Variants in PCLO observed in about 807,000 individuals in gnomAD.
PCLO encodes piccolo presynaptic cytomatrix protein, also known as protein piccolo.
PCLO carries 82 observed loss-of-function variants against 427.5 expected under a neutral mutation model. The observed-to-expected ratio is 0.19, with a 90% CI of 0.16 to 0.23. PCLO has a LOEUF of 0.23. PCLO is among the 10% of genes least tolerant of loss of function. The pLI is 1.00. For synonymous variants in PCLO, 2,357 were observed against 2,155.4 expected, an observed-to-expected ratio of 1.09 and a Z score of -2.59; for missense variants, 6,239 against 6,115.9, an observed-to-expected ratio of 1.02 and a Z score of -0.67.
At chr7:83,161,559 T>C (rs776009100) in intron 1 of PCLO, among the ~76,000 whole-genome samples, 1 of 152,244 alleles carries the variant, frequency 6.6e-6, no homozygotes, top group Non-Finnish European at 1.5e-5. Context: ...TTAGCTCTTA[T>C]ACTTGCCTAT....
At chr7:83,130,616 T>C (rs1791547287) in intron 3 of PCLO, among the ~76,000 whole-genome samples, 1 of 152,202 alleles carries the variant, frequency 6.6e-6, no homozygotes, top group African/African-American at 2.4e-5. Context: ...ACTGAATATA[T>C]ATGCTTTTTA....
intron 10 of PCLO, among the ~76,000 whole-genome samples, chr7:82,877,461 A>C (rs2116031727): frequency 6.6e-6 from 1 of 152,236 alleles, no homozygotes; most frequent in African/African-American, 2.4e-5. Flanking sequence ...ATGGGTCTTA[A>C]TTTATATATC....
chr7:82,847,014 G>T, intron 11 of PCLO, 125 bp downstream of exon 11: 1 of 609,480 alleles, frequency 1.6e-6, no homozygotes, highest in South Asian at 2.1e-5. Context: ...TTTAGGCTTT[G>T]ATTCACTTTA....
At chr7:82,878,035 A>T (rs1206245353) in intron 10 of PCLO, among the ~76,000 whole-genome samples, 1 of 152,168 alleles carries the variant, frequency 6.6e-6, no homozygotes, top group Non-Finnish European at 1.5e-5. Flanking sequence ...TGGCATTCTG[A>T]AAGCAAATAA....
In PCLO at chr7:82,916,271, T is replaced by C; in HGVS notation, c.11715A>G (p.Gln3905=). Residue 3905 remains glutamine (Q), a synonymous_variant, in exon 7 of 25, where the codon CAA becomes CAG. Transcript: ENST00000333891. The stretch of plus-strand genomic sequence containing the variant: ...AAGTTTGTTGCTCAAAATGAGACTG[T>C]TGAGTGTATGAGGTGGGTGCTTGGG... ...LPTQAPTSYT[Q]QSHFEQQTLY... The C allele has an allele frequency of 6.2e-7, 1 of 1,613,606 alleles. No homozygotes were observed. Among genetic ancestry groups the C allele is most frequent in the Non-Finnish European group, 8.5e-7 (1 of 1,179,670 alleles).
intron 7 of PCLO, among the ~76,000 whole-genome samples, chr7:82,913,312 T>C (rs186882274): frequency 6.6e-6 from 1 of 152,002 alleles, no homozygotes; most frequent in African/African-American, 2.4e-5. Flanking sequence ...AAATCCAGAT[T>C]TGAATTCCTA....
At chr7:82,969,837 A>G (rs1562890959) in intron 3 of PCLO, among the ~76,000 whole-genome samples, 2 of 152,140 alleles carry the variant, frequency 1.3e-5, no homozygotes, top group African/African-American at 2.4e-5. Flanking sequence ...TGCAATGCAG[A>G]AGAGAGAGAT....
intron 6 of PCLO, among the ~76,000 whole-genome samples, chr7:82,942,587 GT>G (rs1248448444): frequency 1.3e-5 from 2 of 151,926 alleles, no homozygotes. Flanking sequence ...AAACTTTCTG[GT>G]TTTGACTCAT....
intron 9 of PCLO, among the ~76,000 whole-genome samples, chr7:82,890,722 T>C (rs1793742291): frequency 6.6e-6 from 1 of 151,980 alleles, no homozygotes; most frequent in African/African-American, 2.4e-5. Flanking sequence ...AGAACTATCC[T>C]TACCATGCTT....
intron 3 of PCLO, among the ~76,000 whole-genome samples, chr7:83,085,243 T>C (rs1790201734): frequency 6.6e-6 from 1 of 152,122 alleles, no homozygotes; most frequent in African/African-American, 2.4e-5. Flanking sequence ...AAGAAACATG[T>C]TGTGTAATTT....
chr7:83,153,925 C>T (rs997306032), intron 2 of PCLO, among the ~76,000 whole-genome samples: 1 of 152,016 alleles, frequency 6.6e-6, no homozygotes, highest in Non-Finnish European at 1.5e-5. Context: ...TGAATCTCTA[C>T]CTATTAAAAT....
Position 83,155,548 on chromosome 7 carries a change from G to A in PCLO, c.1093C>T (p.Pro365Ser). ...GCTGGAGGCTTAGCAGGACCAAGAG[G>A]CTGAGCTGGAGGCTTTGTTGTCCCT... ...PPGTTKPPAQ[P>S]LGPAKPPAQQ... Residue 365 changes from proline to serine, a missense_variant, in exon 2 of 25, where the codon CCT becomes TCT. Pro to Ser is a moderately conservative substitution (Grantham distance 74). This residue lies in a region of PCLO where 4,677 missense variants were observed against 4,468.4 expected (regional missense o/e 1.05). Coordinates refer to ENST00000333891, the MANE Select transcript of PCLO (RefSeq NM_033026.6). 6.2e-7 allele frequency: 1 copy of A among 1,613,000 alleles called. No homozygotes were observed. The highest frequency in any genetic ancestry group is 8.5e-7 in the Non-Finnish European group (1 of 1,179,412).
chr7:82,870,726 TCAAA>T (rs1333846443), intron 10 of PCLO, among the ~76,000 whole-genome samples: 3 of 151,900 alleles, frequency 2.0e-5, no homozygotes, highest in East Asian at 1.9e-4. Flanking sequence ...TATAAGGAAC[TCAAA>T]CAACTTAATA....
Position 82,855,062 on chromosome 7 carries a change from T to C in PCLO, c.13655-7815A>G, listed in dbSNP as rs551099166. ...AGAGTCAATGACTTCTTTACTCACATATCTAAAATAGATTTAGCTCCAATC... is the reference window on the plus strand; with the variant it reads ...AGAGTCAATGACTTCTTTACTCACACATCTAAAATAGATTTAGCTCCAATC... On this transcript the variant is annotated intron_variant, in intron 10 of 24. Coordinates refer to ENST00000333891, the MANE Select transcript of PCLO (RefSeq NM_033026.6). Among the ~76,000 whole-genome samples the C allele has an allele frequency of 2.4e-4, 37 of 152,232 alleles. 1 individual carries two copies. The highest frequency in any genetic ancestry group is 8.2e-4 in the African/African-American group (34 of 41,558).
chr7:82,879,724 C>G, intron 9 of PCLO: 1 of 458,872 alleles, frequency 2.2e-6, no homozygotes, highest in Non-Finnish European at 4.0e-6. Context: ...CAGTAATATA[C>G]CCAGGACTTG....
At chr7:82,929,245 AG>A (rs1274953164) in intron 6 of PCLO, among the ~76,000 whole-genome samples, 1 of 152,220 alleles carries the variant, frequency 6.6e-6, no homozygotes, top group Non-Finnish European at 1.5e-5. Context: ...CTTACCATGT[AG>A]TAAGCATTAT....
intron 3 of PCLO, among the ~76,000 whole-genome samples, chr7:83,133,955 T>C (rs75301102): frequency 0.051 from 7,682 of 151,736 alleles, 481 homozygotes; most frequent in East Asian, 0.25. Flanking sequence ...TATTTTTTTC[T>C]TTATTTCATG....
Position 82,857,592 on chromosome 7 carries a change from G to C in PCLO, c.13655-10345C>G, listed in dbSNP as rs145823409. Among the ~76,000 whole-genome samples, 388 of 151,916 alleles carry C rather than the reference G, an allele frequency of 2.6e-3. 1 individual carries two copies. Among genetic ancestry groups the C allele is most frequent in the African/African-American group, 8.8e-3 (366 of 41,456 alleles). On this transcript the variant is annotated intron_variant, in intron 10 of 24. Transcript: ENST00000333891. Reference sequence around the variant, plus strand: ...CCATCTCCACTGTACATAGATATAAGGACAATATAAATTTCATTTTATAAC... The same window carrying C: ...CCATCTCCACTGTACATAGATATAACGACAATATAAATTTCATTTTATAAC...
chr7:82,765,470 GAA>G (rs1790514224), intron 22 of PCLO, among the ~76,000 whole-genome samples: 1 of 151,732 alleles, frequency 6.6e-6, no homozygotes, highest in South Asian at 2.1e-4. Flanking sequence ...CTGGTACTTT[GAA>G]AAACCCACCA....
Sources: allele counts gnomAD v4.1 joint callset (sites outside exome capture counted in the v4.1 genomes callset), GRCh38; gene constraint gnomAD v4.1.1; regional missense constraint gnomAD v4.1.1; transcripts MANE v1.5; gene names NCBI Gene and HGNC (gene_info 2026-07-23, HGNC 2026-07-21).